RGS12: variants seen among roughly 807,000 people sequenced by gnomAD.
RGS12 encodes the protein regulator of G-protein signaling 12.
In RGS12, 66 loss-of-function variants were observed where a neutral mutation model predicts 120.1. The observed-to-expected ratio is 0.55, with a 90% CI of 0.45 to 0.67. RGS12 has a LOEUF of 0.67. Among genes scored for constraint, RGS12 ranks in the 30% least tolerant of loss-of-function variants. The pLI is 0.00. For synonymous variants in RGS12, 827 were observed against 804.7 expected, an observed-to-expected ratio of 1.03 and a Z score of -0.47; for missense variants, 1,859 against 1,957.7, an observed-to-expected ratio of 0.95 and a Z score of 0.95.
intron 3 of RGS12, among the ~76,000 whole-genome samples, chr4:3,346,250 A>G (rs2108788502): frequency 6.6e-6 from 1 of 152,350 alleles, no homozygotes; most frequent in East Asian, 1.9e-4. Flanking sequence ...AAAGTCACCC[A>G]CTAGGGGGAC....
At chr4:3,420,313 G>A (rs1722863902) in intron 9 of RGS12, 1 of 414,104 alleles carries the variant, frequency 2.4e-6, no homozygotes, top group Non-Finnish European at 4.4e-6. Context: ...GGTCTGTGCT[G>A]TGTAACTGCA....
chr4:3,343,134 T>TAAAA, intron 3 of RGS12, 81 bp downstream of exon 3: 1 of 999,208 alleles, frequency 1.0e-6, no homozygotes, highest in Non-Finnish European at 1.6e-6. Context: ...GTCTGGCTGT[T>TAAAA]TTTTGAGTCC....
chr4:3,404,977 G>A (rs1720952476), intron 4 of RGS12, among the ~76,000 whole-genome samples: 2 of 152,200 alleles, frequency 1.3e-5, no homozygotes, highest in African/African-American at 4.8e-5. Context: ...GGATACAGGT[G>A]CCAGCCTGAA....
chr4:3,410,408 A>T (rs1721606994), intron 4 of RGS12, among the ~76,000 whole-genome samples: 1 of 152,202 alleles, frequency 6.6e-6, no homozygotes, highest in African/African-American at 2.4e-5. Context: ...CATGCACTGG[A>T]ATGTACACAG....
In RGS12 at chr4:3,431,030, T is replaced by C. The variant is rs1004292891; in HGVS notation, c.4114+75T>C. On this transcript the variant is annotated intron_variant, in intron 17 of 17. Transcript: ENST00000336727. ...CTCAGCTTCCAGTCAGAAAGGACAG[T>C]GGGCCCCCGGCTGCCACTGTTTGCT... 9.7e-6 allele frequency: 15 copies of C among 1,544,090 alleles called. No individual in the cohort carries two copies. The African/African-American group carries it at 2.0e-4, about 21-fold the overall frequency.
chr4:3,362,951 G>A (rs186009148), intron 3 of RGS12, among the ~76,000 whole-genome samples: 2 of 146,822 alleles, frequency 1.4e-5, no homozygotes, highest in East Asian at 2.2e-4. Flanking sequence ...GTGTGTGCAC[G>A]TGCCAGTGTG....
At chr4:3,384,331 T>G (rs1718590626) in intron 3 of RGS12, among the ~76,000 whole-genome samples, 2 of 152,174 alleles carry the variant, frequency 1.3e-5, no homozygotes, top group African/African-American at 4.8e-5. Context: ...ATTTTTATAT[T>G]TTAGTAGAGA....
At chr4:3,323,799 G>A (rs1440647181) in intron 2 of RGS12, among the ~76,000 whole-genome samples, 1 of 151,814 alleles carries the variant, frequency 6.6e-6, no homozygotes, top group African/African-American at 2.4e-5. Context: ...GCATTTTAAA[G>A]TTTGCCAAAT....
chr4:3,331,069 C>T (rs1157921497), intron 2 of RGS12, among the ~76,000 whole-genome samples: 2 of 152,136 alleles, frequency 1.3e-5, no homozygotes, highest in South Asian at 2.1e-4. Context: ...GCAGGAATGG[C>T]GAGCAGCCTG....
chr4:3,382,140 C>G (rs1161908051), intron 3 of RGS12, among the ~76,000 whole-genome samples: 3 of 152,202 alleles, frequency 2.0e-5, no homozygotes, highest in African/African-American at 7.2e-5. Context: ...TGTATTTTCA[C>G]AGATCTTACA....
At chr4:3,357,672 A>C (rs915351044) in intron 3 of RGS12, among the ~76,000 whole-genome samples, 1 of 152,068 alleles carries the variant, frequency 6.6e-6, no homozygotes, top group Admixed American at 6.5e-5. Context: ...TGATTTGACT[A>C]TTTATGTAAG....
chr4:3,325,662 A>G (rs1158940986), intron 2 of RGS12, among the ~76,000 whole-genome samples: 1 of 152,216 alleles, frequency 6.6e-6, no homozygotes, highest in African/African-American at 2.4e-5. Context: ...AAAATGGAGG[A>G]TGAGGGATTT....
intron 17 of RGS12, chr4:3,431,822 G>A: frequency 5.1e-6 from 5 of 985,714 alleles, no homozygotes; most frequent in Non-Finnish European, 6.0e-6. Flanking sequence ...TCTCCGTCCT[G>A]TGCCCTGGTC....
At chr4:3,325,632 C>T (rs1725505969) in intron 2 of RGS12, among the ~76,000 whole-genome samples, 1 of 152,178 alleles carries the variant, frequency 6.6e-6, no homozygotes, top group South Asian at 2.1e-4. Context: ...CTAGTACCAA[C>T]CCTCCTGAAA....
At chr4:3,412,223 A>G (rs773461699) in intron 4 of RGS12, among the ~76,000 whole-genome samples, 1 of 152,214 alleles carries the variant, frequency 6.6e-6, no homozygotes, top group Non-Finnish European at 1.5e-5. Flanking sequence ...CATGCTGACC[A>G]TGAGGGACAC....
chr4:3,316,851 C>T lies in RGS12; in HGVS notation c.681C>T (p.Asn227=), dbSNP rs758536516. The T allele has an allele frequency of 8.1e-6, 13 of 1,614,178 alleles. No homozygotes were observed. Among genetic ancestry groups the T allele is most frequent in the Admixed American group, 1.7e-5 (1 of 60,028 alleles). The change falls in exon 2 of 18, where the codon AAC becomes AAT. Residue 227 remains asparagine, a synonymous_variant. Transcript: ENST00000336727. ...DDFALDASIL[N]VAMIVGYLGS... ...TTGCATTGGATGCAAGTATTTTAAA[C>T]GTGGCGATGATCGTGGGCTACTTAG...
In RGS12 at chr4:3,431,779, C is replaced by T. The variant is rs1724333255; in HGVS notation, c.4114+824C>T. The T allele has an allele frequency of 9.1e-6, 9 of 985,574 alleles. No homozygotes were observed. In the South Asian group the frequency reaches 2.8e-4, roughly 31 times the overall value. 61.1% of individuals were successfully genotyped at this position (985,574 alleles called of 1,614,324 possible). The stretch of plus-strand genomic sequence containing the variant: ...GCTCAGGGGTGCGTGGACACCTCTG[C>T]TGTGGTTTGCTGCTGGGGGCGATGG... On this transcript the variant is annotated intron_variant, in intron 17 of 17. Transcript: ENST00000336727.
Position 3,317,546 on chromosome 4 carries a change from G to A in RGS12, c.1376G>A (p.Gly459Asp). The change falls in exon 2 of 18, where the codon GGT becomes GAT. Residue 459 changes from glycine to aspartate, a missense_variant. Transcript: ENST00000336727. ...RHGPGGSAWD[G>D]VGGRGAQPWG... ...GGCCCCGGAGGCAGCGCGTGGGACG[G>A]TGTGGGTGGGAGGGGTGCCCAGCCC... 6.2e-7 allele frequency: 1 copy of A among 1,609,290 alleles called. No homozygotes were observed. The highest frequency in any genetic ancestry group is 8.5e-7 in the Non-Finnish European group (1 of 1,179,054).
At chr4:3,293,998 G>T (rs1239558822) in intron 1 of RGS12, among the ~76,000 whole-genome samples, 8 of 152,274 alleles carry the variant, frequency 5.3e-5, no homozygotes, top group Non-Finnish European at 1.0e-4. Flanking sequence ...AACACAGAGG[G>T]GGCCCAGAGC....
Sources: allele counts gnomAD v4.1 joint callset (sites outside exome capture counted in the v4.1 genomes callset), GRCh38; gene constraint gnomAD v4.1.1; transcripts MANE v1.5; gene names NCBI Gene and HGNC (gene_info 2026-07-23, HGNC 2026-07-21).